Variants in NRXN3 observed in about 807,000 individuals in gnomAD.
NRXN3 encodes the protein neurexin III.
A neutral mutation model predicts 137.6 loss-of-function variants in NRXN3; 32 were observed. The ratio of observed to expected loss-of-function variants is 0.23; its 90% CI spans 0.18 to 0.31. NRXN3 has a LOEUF of 0.31. Ranked by LOEUF, NRXN3 falls within the 10% of genes least tolerant of loss-of-function variation. NRXN3 has a pLI of 1.00. For synonymous variants in NRXN3, 798 were observed against 784.5 expected (o/e 1.02, Z -0.29); for missense variants, 1,574 against 2,062.5 (o/e 0.76, Z 4.59).
chr14:78,323,546 C>G (rs2079660200), intron 4 of NRXN3, among the ~76,000 whole-genome samples: 1 of 151,992 alleles, frequency 6.6e-6, no homozygotes, highest in East Asian at 1.9e-4. Flanking sequence ...AGTGGTGTTA[C>G]TATAAACAGC....
chr14:78,425,585 C>A lies in NRXN3; in HGVS notation c.757+127725C>A, dbSNP rs78482324. 5.8e-3 allele frequency among the ~76,000 whole-genome samples: 879 copies of A among 152,302 alleles called. 1 individual carries two copies. The highest frequency in any genetic ancestry group is 0.02 in the African/African-American group (830 of 41,572). On this transcript the variant is annotated intron_variant, in intron 4 of 20. Coordinates refer to ENST00000335750, the MANE Select transcript of NRXN3 (RefSeq NM_001330195.2). ...TCCCACCCCTTGACTAAACCCTCTG[C>A]ATTCCTTCAGACTCTTCTTACCCTG...
chr14:78,807,734 C>CAAAAAAAAAAAAAAAAAAAAA (rs144921592), intron 9 of NRXN3, among the ~76,000 whole-genome samples: 4 of 111,722 alleles, frequency 3.6e-5, no homozygotes, highest in African/African-American at 9.7e-5. Flanking sequence ...GATTCTGTCT[C>CAAAAAAAAAAAAAAAAAAAAA]AAAAAAAAAA....
At chr14:78,292,506 A>AAGTAT (rs2075905572) in intron 3 of NRXN3, among the ~76,000 whole-genome samples, 1 of 152,182 alleles carries the variant, frequency 6.6e-6, no homozygotes, top group African/African-American at 2.4e-5. Flanking sequence ...GAAGGGTCAA[A>AAGTAT]AGTATCAGAC....
chr14:78,323,555 G>A (rs1296187666), intron 4 of NRXN3, among the ~76,000 whole-genome samples: 3 of 152,022 alleles, frequency 2.0e-5, no homozygotes, highest in Non-Finnish European at 4.4e-5. Flanking sequence ...ACTATAAACA[G>A]CATCATCATT....
chr14:78,798,810 C>A (rs534483061), intron 8 of NRXN3, among the ~76,000 whole-genome samples: 2 of 152,354 alleles, frequency 1.3e-5, no homozygotes, highest in South Asian at 4.1e-4. Context: ...CACATGGAAG[C>A]TGCCAAGGCT....
chr14:78,320,644 G>A (rs77394643), intron 4 of NRXN3, among the ~76,000 whole-genome samples: 3,562 of 152,288 alleles, frequency 0.023, 145 homozygotes, highest in African/African-American at 0.081. Flanking sequence ...AGACCTAGAA[G>A]CAAGGGAGGA....
At chr14:79,061,637 G>A (rs2099674436) in intron 15 of NRXN3, among the ~76,000 whole-genome samples, 1 of 152,194 alleles carries the variant, frequency 6.6e-6, no homozygotes, top group Admixed American at 6.5e-5. Flanking sequence ...TGGCATTGTA[G>A]AAGCTGGCAT....
intron 15 of NRXN3, among the ~76,000 whole-genome samples, chr14:79,225,954 T>A (rs1265562726): frequency 6.6e-6 from 1 of 152,102 alleles, no homozygotes; most frequent in Non-Finnish European, 1.5e-5. Context: ...TTTTAAAGAC[T>A]CATGTGATTA....
At chr14:79,299,283 G>A (rs1354562656) in intron 15 of NRXN3, among the ~76,000 whole-genome samples, 1 of 151,904 alleles carries the variant, frequency 6.6e-6, no homozygotes, top group Non-Finnish European at 1.5e-5. Context: ...GCCATGTAGA[G>A]GACGAAATGT....
intron 15 of NRXN3, among the ~76,000 whole-genome samples, chr14:79,068,414 C>T (rs1359607359): frequency 6.6e-6 from 1 of 152,040 alleles, no homozygotes; most frequent in African/African-American, 2.4e-5. Context: ...TGATCACATG[C>T]TGAGTCAAAG....
chr14:78,300,842 C>A lies in NRXN3; in HGVS notation c.757+2982C>A, dbSNP rs564016209. Among the ~76,000 whole-genome samples, 234 of 152,236 alleles carry A rather than the reference C, an allele frequency of 1.5e-3. 1 individual carries two copies. The highest frequency in any genetic ancestry group is 6.8e-3 in the Middle Eastern group (2 of 294). On this transcript the variant is annotated intron_variant, in intron 4 of 20. Coordinates refer to ENST00000335750, the MANE Select transcript of NRXN3 (RefSeq NM_001330195.2). ...AAAAATAAGAATAAAAATAAAAAGC[C>A]AATGCTATCATTTCCCTTCAGTGCA...
At chr14:79,296,698 A>T (rs997992139) in intron 15 of NRXN3, among the ~76,000 whole-genome samples, 9 of 152,004 alleles carry the variant, frequency 5.9e-5, no homozygotes, top group African/African-American at 2.2e-4. Context: ...TTACAAGAGA[A>T]AAAAAGGGTC....
In NRXN3 at chr14:79,697,723, A is replaced by G; in HGVS notation, c.3800A>G (p.Tyr1267Cys). 6.2e-7 allele frequency: 1 copy of G among 1,613,190 alleles called. No homozygotes were observed. Among genetic ancestry groups the G allele is most frequent in the Non-Finnish European group, 8.5e-7 (1 of 1,179,434 alleles). The change falls in exon 19 of 21, where the codon TAT becomes TGT. Residue 1267 changes from tyrosine (Y) to cysteine (C), a missense_variant. Transcript: ENST00000335750. ...TTCCAAGGCCAACTCTCTGGGCTCT[A>G]TTATGATGGTTTGAAAGTACTGAAC... The part of the protein sequence containing the change: ...RLFQGQLSGL[Y>C]YDGLKVLNMA...
At chr14:78,403,978 C>A in intron 4 of NRXN3, 1 of 746,158 alleles carries the variant, frequency 1.3e-6, no homozygotes, top group Non-Finnish European at 1.6e-6. Context: ...TTTATTGGTG[C>A]AAAGTGGTAT....
chr14:79,669,905 C>T (rs2098597190), intron 17 of NRXN3, among the ~76,000 whole-genome samples: 1 of 151,982 alleles, frequency 6.6e-6, no homozygotes, highest in African/African-American at 2.4e-5. Context: ...TAAGGTGATT[C>T]TCTGTGTAGC....
chr14:79,153,569 C>A (rs1484177659), intron 15 of NRXN3, among the ~76,000 whole-genome samples: 1 of 151,892 alleles, frequency 6.6e-6, no homozygotes, highest in Non-Finnish European at 1.5e-5. Context: ...TCTCAATCAC[C>A]TTTACTGAAA....
chr14:79,742,654 T>C (rs939941050), intron 19 of NRXN3, among the ~76,000 whole-genome samples: 1 of 152,172 alleles, frequency 6.6e-6, no homozygotes, highest in African/African-American at 2.4e-5. Flanking sequence ...AAAAGGACTA[T>C]TGCCTGGCCC....
chr14:78,248,314 C>CCCCCCCCCCCCCCCCCCCCCCCCCCCA (rs71131639), intron 2 of NRXN3, among the ~76,000 whole-genome samples: 2 of 47,552 alleles, frequency 4.2e-5, no homozygotes, highest in African/African-American at 1.6e-4. Flanking sequence ...CCCCCCCCCC[C>CCCCCCCCCCCCCCCCCCCCCCCCCCCA]CCACCCGCCA....
intron 10 of NRXN3, among the ~76,000 whole-genome samples, chr14:78,835,020 T>G (rs1443501977): frequency 6.6e-6 from 1 of 150,994 alleles, no homozygotes; most frequent in Non-Finnish European, 1.5e-5. Flanking sequence ...CATCCTAGCC[T>G]TAATCACCTT....
Sources: gnomAD v4.1 joint callset for allele counts (sites outside exome capture counted in the v4.1 genomes callset) on GRCh38, gnomAD v4.1.1 for gene constraint, MANE v1.5 for transcripts, NCBI Gene and HGNC (gene_info 2026-07-23, HGNC 2026-07-21) for gene names.